Variants in CCND3 observed in about 807,000 individuals in gnomAD.
CCND3 encodes the protein cyclin D3, also known as G1/S-specific cyclin-D3.
A neutral mutation model predicts 28.7 loss-of-function variants in CCND3; 9 were observed. The ratio of observed to expected loss-of-function variants is 0.31; its 90% confidence interval spans 0.19 to 0.55. CCND3 has a LOEUF of 0.55. CCND3 is among the 20% of genes least tolerant of loss of function. The pLI, the probability that CCND3 is intolerant of heterozygous loss-of-function variation, is 0.93. For synonymous variants in CCND3, 164 were observed against 163.9 expected (o/e 1.00, Z 0.00); for missense variants, 315 against 385.8 (o/e 0.82, Z 1.54).
At chr6:42,047,044 G>A (rs996077019) in intron 1 of CCND3, among the ~76,000 whole-genome samples, 1 of 152,210 alleles carries the variant, frequency 6.6e-6, no homozygotes, top group Non-Finnish European at 1.5e-5. Flanking sequence ...ACTATATTAG[G>A]AGGTTTAAAT....
intron 1 of CCND3, among the ~76,000 whole-genome samples, chr6:41,992,054 C>T (rs1263431713): frequency 6.6e-6 from 1 of 152,142 alleles, no homozygotes; most frequent in Non-Finnish European, 1.5e-5. Context: ...GCAATAAATA[C>T]GGAGGTGTGG....
At chr6:41,975,240 C>T (rs1434745536) in intron 1 of CCND3, among the ~76,000 whole-genome samples, 1 of 152,226 alleles carries the variant, frequency 6.6e-6, no homozygotes, top group Non-Finnish European at 1.5e-5. Context: ...CTAACTGATT[C>T]ATCTTCACAA....
At position 42,048,813 on chromosome 6, in the gene CCND3, C is replaced by T. The variant is rs951260750; in HGVS notation, c.-358G>A. ...GGTCCCCGGCCTGACTCTCCCACCC[C>T]CTGTACACCCTCGGCGAGGCCAGGA... On this transcript the variant is annotated 5_prime_UTR_variant, in exon 1 of 5. Coordinates refer to the CCND3 transcript ENST00000372988. This position sits in a 1 kb window ranked among gnomAD's most constrained non-coding sequence, Gnocchi z 4.7. 1.0e-5 allele frequency: 4 copies of T among 392,744 alleles called. No homozygotes were observed. The highest frequency in any genetic ancestry group is 8.7e-5 in the East Asian group (1 of 11,486). 24.3% of individuals were successfully genotyped at this position (392,744 alleles called of 1,614,324 possible).
chr6:42,024,139 C>G (rs1395568119), intron 1 of CCND3, among the ~76,000 whole-genome samples: 6 of 152,130 alleles, frequency 3.9e-5, no homozygotes, highest in African/African-American at 1.4e-4. Flanking sequence ...TGCGGTGGCT[C>G]ACACCTGTAA....
chr6:41,999,362 C>T (rs1216857985), intron 1 of CCND3, among the ~76,000 whole-genome samples: 1 of 152,124 alleles, frequency 6.6e-6, no homozygotes, highest in African/African-American at 2.4e-5. Flanking sequence ...GATTCTCCTG[C>T]CTCAGCCTCC....
At chr6:41,994,335 GACA>G (rs759117900) in intron 1 of CCND3, among the ~76,000 whole-genome samples, 18 of 152,016 alleles carry the variant, frequency 1.2e-4, no homozygotes, top group African/African-American at 2.7e-4. Flanking sequence ...TTCACACAAT[GACA>G]ACATCACCTG....
chr6:41,936,505 G>C lies in CCND3; in HGVS notation c.711+54C>G, dbSNP rs754828090. On this transcript the variant is annotated intron_variant, in intron 4 of 4. Coordinates refer to ENST00000372991, the MANE Select transcript of CCND3 (RefSeq NM_001760.5). The surrounding 1 kb of genome is among the most constrained non-coding windows in gnomAD (Gnocchi z 4.4). ...GGTTTCCCTCTACTGGAGGCTCAGG[G>C]CATAGCACTACTTTATGAATGGAGA... 253 of 1,600,864 alleles carry C rather than the reference G, an allele frequency of 1.6e-4. No individual in the cohort carries two copies. The highest frequency in any genetic ancestry group is 2.4e-4 in the Admixed American group (14 of 59,442).
chr6:42,007,815 T>G (rs1277430990), intron 1 of CCND3, among the ~76,000 whole-genome samples: 1 of 152,184 alleles, frequency 6.6e-6, no homozygotes, highest in Non-Finnish European at 1.5e-5. Flanking sequence ...TTTGGAATGC[T>G]GGCGATCCAC....
intron 1 of CCND3, among the ~76,000 whole-genome samples, chr6:41,967,720 T>C (rs958341117): frequency 6.6e-6 from 1 of 152,218 alleles, no homozygotes; most frequent in African/African-American, 2.4e-5. Context: ...ACTCACAGAC[T>C]TTCTTATCCA....
At chr6:41,988,714 T>TTTG (rs1484296501) in intron 1 of CCND3, among the ~76,000 whole-genome samples, 2 of 150,522 alleles carry the variant, frequency 1.3e-5, no homozygotes, top group East Asian at 3.9e-4. Context: ...TTTTTTTTTT[T>TTTG]TTGAGACGGA....
chr6:41,981,407 G>A (rs1762342315), intron 1 of CCND3, among the ~76,000 whole-genome samples: 1 of 152,000 alleles, frequency 6.6e-6, no homozygotes, highest in Non-Finnish European at 1.5e-5. Context: ...GTTTCACTAT[G>A]TTGGCCAGGC....
intron 1 of CCND3, among the ~76,000 whole-genome samples, chr6:41,976,305 T>C (rs1229836657): frequency 2.0e-5 from 3 of 151,270 alleles, no homozygotes; most frequent in African/African-American, 7.3e-5. Flanking sequence ...CGAGCTGAGA[T>C]CTCACCACTG....
At chr6:42,016,214 C>T (rs113971323) in intron 1 of CCND3, among the ~76,000 whole-genome samples, 2 of 152,148 alleles carry the variant, frequency 1.3e-5, no homozygotes, top group East Asian at 3.9e-4. Flanking sequence ...GGATTACAGG[C>T]GTGAGCCACT....
intron 1 of CCND3, among the ~76,000 whole-genome samples, chr6:42,012,004 T>C (rs1561986223): frequency 2.0e-5 from 3 of 152,336 alleles, no homozygotes; most frequent in Admixed American, 6.5e-5. Context: ...GTTACAGGCA[T>C]TGAGCCACTA....
chr6:42,033,667 GA>G (rs1232335437), intron 1 of CCND3, among the ~76,000 whole-genome samples: 2 of 151,444 alleles, frequency 1.3e-5, no homozygotes, highest in Non-Finnish European at 2.9e-5. Context: ...GACCAACATG[GA>G]AAAACCCCGT....
intron 1 of CCND3, among the ~76,000 whole-genome samples, chr6:41,947,168 C>T (rs544093945): frequency 6.6e-6 from 1 of 151,696 alleles, no homozygotes; most frequent in Non-Finnish European, 1.5e-5. Context: ...TTGCAGTGAG[C>T]TGAGATCGCG....
chr6:41,967,677 G>T (rs973774618), intron 1 of CCND3, among the ~76,000 whole-genome samples: 5 of 152,184 alleles, frequency 3.3e-5, no homozygotes, highest in Admixed American at 1.3e-4. Context: ...ATCACACTTG[G>T]AGTCCACACT....
intron 1 of CCND3, among the ~76,000 whole-genome samples, chr6:41,972,424 T>C (rs1762059704): frequency 6.6e-6 from 1 of 152,054 alleles, no homozygotes; most frequent in South Asian, 2.1e-4. Context: ...CTGCAAAGAA[T>C]ATGTGGTGGT....
At chr6:41,984,633 C>T (rs1337594528) in intron 1 of CCND3, among the ~76,000 whole-genome samples, 2 of 152,230 alleles carry the variant, frequency 1.3e-5, no homozygotes, top group African/African-American at 4.8e-5. Flanking sequence ...CAGGCATGAG[C>T]CACCACTCTC....
Sources: gnomAD v4.1 joint callset for allele counts (sites outside exome capture counted in the v4.1 genomes callset) on GRCh38, gnomAD v4.1.1 for gene constraint, Gnocchi (gnomAD v3.1) non-coding constraint, MANE v1.5 for transcripts, NCBI Gene and HGNC (gene_info 2026-07-23, HGNC 2026-07-21) for gene names.